Variants in ATP2C2 observed in about 807,000 individuals in gnomAD.
ATP2C2 encodes the protein calcium-transporting ATPase type 2C member 2.
A neutral mutation model predicts 110.8 loss-of-function variants in ATP2C2; 171 were observed. The ratio of observed to expected loss-of-function variants is 1.54; its 90% CI spans 1.36 to 1.75. The LOEUF (loss-of-function observed/expected upper bound fraction) is 1.75, where lower values mean the gene tolerates loss of function less well. ATP2C2 is among the 40% of genes most tolerant of loss of function. ATP2C2 has a pLI of 0.00. For missense variants in ATP2C2, 1,963 were observed against 1,235.0 expected (o/e 1.59, Z -8.84); for synonymous variants, 804 against 508.4 (o/e 1.58, Z -7.82).
rs1355761989 is a variant in ATP2C2, at chr16:84,371,971, C to A, written c.99+3257C>A. Among the ~76,000 whole-genome samples, 3 of 152,262 alleles carry A rather than the reference C, an allele frequency of 2.0e-5. No individual in the cohort carries two copies. In the South Asian group the frequency reaches 6.2e-4, roughly 32 times the overall value. On this transcript the variant is annotated intron_variant, in intron 1 of 26. Transcript: ENST00000262429. ...GTCACAGTTCACTGTTTAATGCCAA[C>A]GTGTCAGAGCTGGGAGAAAGACGTG...
chr16:84,453,148 C>A lies in ATP2C2; in HGVS notation c.1842C>A (p.Ile614=). 1 of 1,611,592 alleles carries A rather than the reference C, an allele frequency of 6.2e-7. No homozygotes were observed. Among genetic ancestry groups the A allele is most frequent in the East Asian group, 2.2e-5 (1 of 44,802 alleles). ...LETALAIGRN[I]GLCNGKLQAM... ...CAGGTTCTTCTGAAGGAAGAAACAT[C>A]GGCCTGTGCAACGGGAAGCTGCAAG... Residue 614 remains isoleucine (I), a synonymous_variant, in exon 19 of 27, where the codon ATC becomes ATA. Transcript: ENST00000262429.
chr16:84,442,191 C>A (rs1038374032), intron 14 of ATP2C2, among the ~76,000 whole-genome samples: 2 of 152,084 alleles, frequency 1.3e-5, no homozygotes, highest in Non-Finnish European at 2.9e-5. Flanking sequence ...CAAACTTCAC[C>A]ACTGTCTAGA....
chr16:84,372,587 G>C (rs1212675953), intron 1 of ATP2C2, among the ~76,000 whole-genome samples: 1 of 151,836 alleles, frequency 6.6e-6, no homozygotes, highest in African/African-American at 2.4e-5. Context: ...ACCACACCCA[G>C]CTAATTTTTG....
At chr16:84,415,983 CCCT>C (rs1437816335) in intron 7 of ATP2C2, among the ~76,000 whole-genome samples, 3 of 152,074 alleles carry the variant, frequency 2.0e-5, no homozygotes, top group Non-Finnish European at 4.4e-5. Context: ...TTCAAGACCA[CCCT>C]GGCCAACATG....
intron 11 of ATP2C2, among the ~76,000 whole-genome samples, chr16:84,428,184 T>C (rs1370986015): frequency 3.3e-5 from 5 of 152,212 alleles, no homozygotes; most frequent in Non-Finnish European, 7.3e-5. Context: ...AAGAGAATCT[T>C]GCTTTAAGGG....
chr16:84,419,429 G>A (rs1454780943), intron 7 of ATP2C2, among the ~76,000 whole-genome samples: 2 of 152,020 alleles, frequency 1.3e-5, no homozygotes, highest in African/African-American at 2.4e-5. Flanking sequence ...GAGGACCCTC[G>A]TGATCTCACG....
chr16:84,408,576 A>G, intron 4 of ATP2C2, 82 bp downstream of exon 4: 1 of 1,144,230 alleles, frequency 8.7e-7, no homozygotes, highest in Non-Finnish European at 1.3e-6. Context: ...ATATAAAGAA[A>G]AAAAAGAGTT....
Position 84,415,339 on chromosome 16 carries a change from C to T in ATP2C2, c.516-144C>T, listed in dbSNP as rs1409442035. On this transcript the variant is annotated intron_variant, in intron 6 of 26. Coordinates refer to ENST00000262429, the MANE Select transcript of ATP2C2 (RefSeq NM_014861.4). ...AAAGTCTTATAGGATATGTTAATTT[C>T]AAAATAATAACACCCCAAAGGCACA... 4 of 693,068 alleles carry T rather than the reference C, an allele frequency of 5.8e-6. No homozygotes were observed. The East Asian group carries it at 8.1e-5, about 14-fold the overall frequency. 42.9% of individuals were successfully genotyped at this position (693,068 alleles called of 1,614,324 possible). A position where few individuals can be genotyped will look rare whatever the true frequency, so the allele number is the denominator to read the frequency against.
rs553258008 is a variant in ATP2C2 at position 84,459,296 on chromosome 16, C to T, written c.2243C>T (p.Thr748Ile). The T allele has an allele frequency of 3.1e-6, 5 of 1,614,224 alleles. No homozygotes were observed. The highest frequency in any genetic ancestry group is 1.1e-5 in the South Asian group (1 of 91,090). ...AGCATCTCCGCCCTGAGTCTCATCA[C>T]TCTGTCCACCGTGTTCAACCTGCCC... ...STSISALSLI[T>I]LSTVFNLPSP... Residue 748 changes from threonine (T) to isoleucine (I), a missense_variant, in exon 23 of 27, where the codon ACT becomes ATT. By Grantham distance (89) the Thr-to-Ile change is moderately conservative. Transcript: ENST00000262429.
chr16:84,393,457 C>T (rs1904781192), intron 1 of ATP2C2, among the ~76,000 whole-genome samples: 1 of 152,110 alleles, frequency 6.6e-6, no homozygotes, highest in South Asian at 2.1e-4. Context: ...GTATTGGGTC[C>T]AGGGCTATGT....
intron 1 of ATP2C2, among the ~76,000 whole-genome samples, chr16:84,376,412 C>A (rs184320824): frequency 8.5e-5 from 13 of 152,300 alleles, no homozygotes; most frequent in Admixed American, 2.0e-4. Context: ...CTCCACCACA[C>A]AAGGGATTAC....
intron 11 of ATP2C2, among the ~76,000 whole-genome samples, chr16:84,433,388 A>C (rs1236152697): frequency 6.9e-6 from 1 of 144,454 alleles, no homozygotes; most frequent in African/African-American, 2.7e-5. Flanking sequence ...ATCTTAAAAA[A>C]CAAAAACAAA....
chr16:84,404,671 C>T (rs1905591404), intron 2 of ATP2C2: 1 of 328,650 alleles, frequency 3.0e-6, no homozygotes, highest in East Asian at 8.0e-5. Context: ...GTACAAACAT[C>T]TCTTGGAGCC....
intron 15 of ATP2C2, among the ~76,000 whole-genome samples, chr16:84,444,162 CAAAAAA>C (rs71151217): frequency 0.034 from 3,503 of 104,476 alleles, 70 homozygotes; most frequent in African/African-American, 0.083. Context: ...GATCCTGCCT[CAAAAAA>C]AAAAAAAAAA....
chr16:84,405,090 C>T (rs201562304), intron 2 of ATP2C2, 38 bp from the exon 3 acceptor site: 81 of 1,555,348 alleles, frequency 5.2e-5, no homozygotes, highest in Admixed American at 6.7e-5. Context: ...TTCCTTGCTG[C>T]GCCCATGAGT....
intron 1 of ATP2C2, among the ~76,000 whole-genome samples, chr16:84,377,801 C>G (rs749431354): frequency 2.6e-5 from 4 of 151,818 alleles, no homozygotes; most frequent in Non-Finnish European, 5.9e-5. Flanking sequence ...GTATTTTTTT[C>G]TTTGAGGAGC....
At chr16:84,459,051 G>T (rs1450429853) in intron 21 of ATP2C2, 69 bp from the exon 22 acceptor site, 22 of 1,550,170 alleles carry the variant, frequency 1.4e-5, no homozygotes, top group Non-Finnish European at 1.9e-5. Context: ...GCCCCTTGCA[G>T]CAACCGATGC....
rs759660872 is a variant in ATP2C2 at position 84,453,226 on chromosome 16, C to A, written c.1920C>A (p.Arg640=). ...DSVEKGELAD[R]VGKVSVFFRT... is the part of the protein sequence containing the mutation. ...TGGAGAAGGGCGAGCTGGCCGACCG[C>A]GTGGGGAAGGTGGGTCCCCGGAGGC... Residue 640 remains arginine (R), a synonymous_variant, in exon 19 of 27, where the codon CGC becomes CGA. Transcript: ENST00000262429. The A allele has an allele frequency of 6.2e-7, 1 of 1,613,876 alleles. No homozygotes were observed. The highest frequency in any genetic ancestry group is 8.5e-7 in the Non-Finnish European group (1 of 1,179,928).
chr16:84,452,691 G>A (rs1910402978), intron 18 of ATP2C2, among the ~76,000 whole-genome samples: 1 of 151,924 alleles, frequency 6.6e-6, no homozygotes. Flanking sequence ...TAGAGACGGG[G>A]TTTCACTGTG....
Sources: gnomAD v4.1 joint callset for allele counts (sites outside exome capture counted in the v4.1 genomes callset) on GRCh38, gnomAD v4.1.1 for gene constraint, MANE v1.5 for transcripts, NCBI Gene and HGNC (gene_info 2026-07-23, HGNC 2026-07-21) for gene names.